Variants in PKD2 observed in about 807,000 individuals in gnomAD.
PKD2 encodes the protein polycystin 2, transient receptor potential cation channel.
In PKD2, 48 loss-of-function variants were observed where a neutral mutation model predicts 105.9. The ratio of observed to expected loss-of-function variants is 0.45; its 90% CI spans 0.36 to 0.58. The LOEUF (loss-of-function observed/expected upper bound fraction) is 0.58. Among genes scored for constraint, PKD2 ranks in the 20% least tolerant of loss-of-function variants. PKD2 has a pLI of 0.00. For missense variants in PKD2, 1,078 were observed against 1,255.3 expected, an observed-to-expected ratio of 0.86 and a Z score of 2.13; for synonymous variants, 464 against 481.1, an observed-to-expected ratio of 0.96 and a Z score of 0.46.
intron 7 of PKD2, among the ~76,000 whole-genome samples, chr4:88,053,382 C>A (rs921207455): frequency 1.3e-5 from 2 of 152,134 alleles, no homozygotes; most frequent in African/African-American, 4.8e-5. Context: ...AGACTTGGAC[C>A]AGGCGCAGTG....
At chr4:88,074,753 G>C in intron 13 of PKD2, 59 bp from the exon 14 acceptor site, 2 of 1,591,866 alleles carry the variant, frequency 1.3e-6, no homozygotes, top group South Asian at 1.1e-5. Context: ...TGAAAAGCCA[G>C]TGGGGCTGAA....
chr4:88,052,297 C>G, intron 7 of PKD2, 139 bp downstream of exon 7: 1 of 659,228 alleles, frequency 1.5e-6, no homozygotes, highest in African/African-American at 1.8e-5. Flanking sequence ...GAGACAGGGT[C>G]TCACTCTGTC....
At chr4:88,065,962 A>G (rs907483348) in intron 12 of PKD2, 83 bp downstream of exon 12, 2 of 834,624 alleles carry the variant, frequency 2.4e-6, no homozygotes, top group Admixed American at 1.7e-5. Flanking sequence ...GTAGTGGGTT[A>G]TTGAGTCTCT....
At chr4:88,049,392 T>C (rs959826527) in intron 6 of PKD2, among the ~76,000 whole-genome samples, 6 of 152,234 alleles carry the variant, frequency 3.9e-5, no homozygotes, top group African/African-American at 1.4e-4. Context: ...GGCAATGATA[T>C]CATGGAAATT....
intron 1 of PKD2, among the ~76,000 whole-genome samples, chr4:88,008,639 T>TG (rs946856693): frequency 2.6e-5 from 4 of 152,178 alleles, no homozygotes; most frequent in African/African-American, 9.7e-5. Flanking sequence ...GGTTTTGTTT[T>TG]TTTTTTTCTT....
chr4:88,058,176 C>G, intron 9 of PKD2, 73 bp downstream of exon 9: 2 of 919,356 alleles, frequency 2.2e-6, no homozygotes, highest in South Asian at 1.4e-5. Flanking sequence ...TTCTCTCACA[C>G]TTTATGTCCT....
At chr4:88,012,923 TTTAA>T (rs1257427973) in intron 1 of PKD2, among the ~76,000 whole-genome samples, 2 of 152,208 alleles carry the variant, frequency 1.3e-5, no homozygotes, top group African/African-American at 2.4e-5. Context: ...CGAAATACTA[TTTAA>T]TTGTGTGTGT....
rs373414416 is a variant in PKD2, at chr4:88,063,250, T to A, written c.2118+1246T>A. On this transcript the variant is annotated intron_variant, in intron 10 of 14. Coordinates refer to ENST00000237596, the MANE Select transcript of PKD2 (RefSeq NM_000297.4). Reference sequence around the variant, plus strand: ...CCATGTGACATTTTACAAAAATGGATAATTGAAAAAGAGAATGGGTGCAGT... The same window carrying A: ...CCATGTGACATTTTACAAAAATGGAAAATTGAAAAAGAGAATGGGTGCAGT... Among the ~76,000 whole-genome samples the A allele has an allele frequency of 5.3e-5, 8 of 152,296 alleles. 1 individual carries two copies. The highest frequency in any genetic ancestry group is 1.9e-4 in the African/African-American group (8 of 41,576).
At chr4:88,012,473 A>T (rs78574321) in intron 1 of PKD2, among the ~76,000 whole-genome samples, 1 of 151,006 alleles carries the variant, frequency 6.6e-6, no homozygotes, top group Non-Finnish European at 1.5e-5. Flanking sequence ...CAGGATAATC[A>T]TACCAACACA....
chr4:88,034,797 C>T (rs1727275785), intron 2 of PKD2, among the ~76,000 whole-genome samples: 1 of 151,640 alleles, frequency 6.6e-6, no homozygotes, highest in South Asian at 2.1e-4. Flanking sequence ...ATTATAGGTT[C>T]AGGTAAGTAT....
intron 2 of PKD2, among the ~76,000 whole-genome samples, chr4:88,022,087 C>T (rs1726772140): frequency 6.6e-6 from 1 of 152,184 alleles, no homozygotes; most frequent in African/African-American, 2.4e-5. Flanking sequence ...GCTGTTTCAT[C>T]ATATAAATAA....
At chr4:88,065,339 TA>T in intron 10 of PKD2, 34 bp from the exon 11 acceptor site, 1 of 1,600,206 alleles carries the variant, frequency 6.2e-7, no homozygotes, top group Non-Finnish European at 8.6e-7. Flanking sequence ...GAGAATACAC[TA>T]AACCAAGTCT....
At chr4:88,037,403 G>T (rs929543164) in intron 3 of PKD2, among the ~76,000 whole-genome samples, 19 of 152,176 alleles carry the variant, frequency 1.2e-4, no homozygotes, top group Admixed American at 8.5e-4. Flanking sequence ...TGAGGGATAT[G>T]GGGCTTGGAA....
At position 88,051,957 on chromosome 4, in the gene PKD2, C is replaced by T. The variant is rs113552046; in HGVS notation, c.1549-34C>T. ...TAAGGTAAGTTTCATATTTCTAAAA[C>T]ACTGTAATAAAATATAAATATTTTG... On this transcript the variant is annotated intron_variant, in intron 6 of 14. Transcript: ENST00000237596. 3.9e-5 allele frequency: 47 copies of T among 1,218,904 alleles called. No homozygotes were observed. The African/African-American group carries it at 5.1e-4, about 13-fold the overall frequency. 75.5% of individuals were successfully genotyped at this position (1,218,904 alleles called of 1,614,324 possible).
In PKD2 at chr4:88,007,733, G is replaced by T. The variant is rs1375522489; in HGVS notation, c.-1G>T. 1 of 1,203,406 alleles carries T rather than the reference G, an allele frequency of 8.3e-7. No individual in the cohort carries two copies. Among genetic ancestry groups the T allele is most frequent in the Non-Finnish European group, 1.0e-6 (1 of 958,272 alleles). The allele number at this position is 1,203,406 out of a possible 1,614,324, so 74.5% of individuals were successfully genotyped here. ...CCGCGCGCCGGACGCCAGTGACCGCGATGGTGAACTCCAGTCGCGTGCAGC... is the reference window on the plus strand; with the variant it reads ...CCGCGCGCCGGACGCCAGTGACCGCTATGGTGAACTCCAGTCGCGTGCAGC... On this transcript the variant is annotated 5_prime_UTR_variant, in exon 1 of 15. Transcript: ENST00000237596.
chr4:88,035,965 C>G, intron 2 of PKD2: 1 of 514,204 alleles, frequency 1.9e-6, no homozygotes, highest in Non-Finnish European at 3.6e-6. Context: ...CCTGATCTTA[C>G]ATTGATACTC....
At chr4:88,025,621 AAAAAAAG>A (rs1726932120) in intron 2 of PKD2, among the ~76,000 whole-genome samples, 1 of 151,884 alleles carries the variant, frequency 6.6e-6, no homozygotes, top group Admixed American at 6.6e-5. Flanking sequence ...CTCAAAAAAA[AAAAAAAG>A]AAAAGAAAAG....
chr4:88,027,266 G>T (rs1726990880), intron 2 of PKD2, among the ~76,000 whole-genome samples: 2 of 152,212 alleles, frequency 1.3e-5, no homozygotes, highest in African/African-American at 4.8e-5. Context: ...CCACAGAGGT[G>T]GAGCTGTCCA....
intron 13 of PKD2, 34 bp downstream of exon 13, chr4:88,068,095 A>T: frequency 3.2e-6 from 5 of 1,545,072 alleles, no homozygotes; most frequent in Non-Finnish European, 3.6e-6. Context: ...ATTTGCGTTG[A>T]CAAGAGTCCA....
Sources: allele counts gnomAD v4.1 joint callset (sites outside exome capture counted in the v4.1 genomes callset), GRCh38; gene constraint gnomAD v4.1.1; transcripts MANE v1.5; gene names NCBI Gene and HGNC (gene_info 2026-07-23, HGNC 2026-07-21).